ABTB3: variants seen among roughly 807,000 people sequenced by gnomAD.
ABTB3 encodes the protein ankyrin repeat and BTB domain containing 3, also known as ankyrin repeat- and BTB/POZ domain-containing protein 3.
chr12:107,423,934 G>A, the ABTB3 span, among the ~76,000 whole-genome samples: 1 of 152,314 alleles, frequency 6.6e-6, no homozygotes, highest in Middle Eastern at 3.4e-3. Context: ...ACTTGCCTGA[G>A]TTTTGTTTGC....
At chr12:107,608,019 C>T in the ABTB3 span, among the ~76,000 whole-genome samples, 1 of 152,188 alleles carries the variant, frequency 6.6e-6, no homozygotes, top group Admixed American at 6.5e-5. Context: ...CCAGGAATCT[C>T]GAACACCTGG....
the ABTB3 span, among the ~76,000 whole-genome samples, chr12:107,583,042 T>C: frequency 2.6e-4 from 40 of 152,192 alleles, no homozygotes; most frequent in Non-Finnish European, 2.9e-5. Context: ...TGGGTCCAGA[T>C]CTCACCACCA....
the ABTB3 span, chr12:107,319,488 T>A: frequency 6.3e-7 from 1 of 1,595,414 alleles, no homozygotes; most frequent in East Asian, 2.3e-5. Context: ...GCGGCTGCGC[T>A]GGCCGCACTG....
At chr12:107,542,528 T>C in the ABTB3 span, among the ~76,000 whole-genome samples, 1 of 152,122 alleles carries the variant, frequency 6.6e-6, no homozygotes, top group Non-Finnish European at 1.5e-5. Context: ...CTGTAACACC[T>C]GTTACGTATA....
chr12:107,391,012 G>A, the ABTB3 span, among the ~76,000 whole-genome samples: 111 of 152,278 alleles, frequency 7.3e-4, no homozygotes, highest in African/African-American at 2.1e-3. Flanking sequence ...TTAGCTGGGT[G>A]TGGTGGCATG....
At chr12:107,532,993 C>T in the ABTB3 span, among the ~76,000 whole-genome samples, 1 of 151,972 alleles carries the variant, frequency 6.6e-6, no homozygotes, top group South Asian at 2.1e-4. Context: ...GGGAATTTAC[C>T]ACCTCTATGC....
At chr12:107,359,056 AG>A in the ABTB3 span, among the ~76,000 whole-genome samples, 5 of 152,364 alleles carry the variant, frequency 3.3e-5, no homozygotes, top group South Asian at 1.0e-3. Flanking sequence ...ATGGGACAGA[AG>A]GGGTGTCAGA....
chr12:107,430,087 T>C, the ABTB3 span, among the ~76,000 whole-genome samples: 17 of 152,280 alleles, frequency 1.1e-4, no homozygotes, highest in Non-Finnish European at 1.9e-4. Context: ...TATTATGCTA[T>C]GCATACTGTT....
the ABTB3 span, among the ~76,000 whole-genome samples, chr12:107,501,398 A>AAG: frequency 6.2e-5 from 4 of 64,882 alleles, no homozygotes; most frequent in African/African-American, 3.4e-4. Flanking sequence ...AAAAAAAAAA[A>AAG]CAAGAAAACA....
the ABTB3 span, chr12:107,651,810 A>C: frequency 1.3e-5 from 21 of 1,596,112 alleles, no homozygotes; most frequent in Non-Finnish European, 1.8e-5. Flanking sequence ...ATTCTCGCGC[A>C]GTGCGCACAC....
the ABTB3 span, among the ~76,000 whole-genome samples, chr12:107,404,312 C>T: frequency 6.6e-6 from 1 of 152,074 alleles, no homozygotes; most frequent in African/African-American, 2.4e-5. Flanking sequence ...TGATCCATGT[C>T]CCATCTGCTG....
the ABTB3 span, among the ~76,000 whole-genome samples, chr12:107,434,626 G>A: frequency 1.3e-5 from 2 of 152,186 alleles, no homozygotes; most frequent in Admixed American, 1.3e-4. Flanking sequence ...ACTTTGGGAG[G>A]CTGAGGCGGG....
the ABTB3 span, among the ~76,000 whole-genome samples, chr12:107,339,142 C>CCTTGA: frequency 6.6e-6 from 1 of 152,190 alleles, no homozygotes; most frequent in Admixed American, 6.5e-5. Flanking sequence ...AGTCAACATC[C>CCTTGA]CACAGGCCCA....
the ABTB3 span, among the ~76,000 whole-genome samples, chr12:107,390,722 GAA>G: frequency 6.6e-6 from 1 of 152,338 alleles, no homozygotes; most frequent in African/African-American, 2.4e-5. Flanking sequence ...GTTCCTCAGA[GAA>G]AGTGGGATTT....
the ABTB3 span, among the ~76,000 whole-genome samples, chr12:107,443,564 A>G: frequency 3.3e-5 from 5 of 152,178 alleles, no homozygotes; most frequent in Non-Finnish European, 7.3e-5. Flanking sequence ...CAGGGACAGC[A>G]GTATGGCAGA....
At chr12:107,513,141 C>T in the ABTB3 span, among the ~76,000 whole-genome samples, 204 of 152,280 alleles carry the variant, frequency 1.3e-3, 1 homozygote, top group African/African-American at 4.6e-3. Flanking sequence ...GAGTGCCTGG[C>T]CCATAGTTTG....
the ABTB3 span, among the ~76,000 whole-genome samples, chr12:107,514,741 C>G: frequency 1.3e-5 from 2 of 152,176 alleles, no homozygotes; most frequent in Non-Finnish European, 2.9e-5. Context: ...GGTATATAAT[C>G]TTTGTGTAAT....
At chr12:107,402,740 C>G in the ABTB3 span, among the ~76,000 whole-genome samples, 1 of 152,202 alleles carries the variant, frequency 6.6e-6, no homozygotes, top group Non-Finnish European at 1.5e-5. Flanking sequence ...GCTCTCCTCA[C>G]CTGAAGCCAG....
At chr12:107,638,586 C>T in the ABTB3 span, among the ~76,000 whole-genome samples, 8 of 152,320 alleles carry the variant, frequency 5.3e-5, no homozygotes, top group Non-Finnish European at 1.2e-4. Context: ...TCGGCAGCCT[C>T]CTAGAGCAAG....
Sources: allele counts gnomAD v4.1 joint callset (sites outside exome capture counted in the v4.1 genomes callset), GRCh38; gene constraint gnomAD v4.1.1; transcripts MANE v1.5; gene names NCBI Gene and HGNC (gene_info 2026-07-23, HGNC 2026-07-21).